RALA: variants seen among roughly 807,000 people sequenced by gnomAD.
RALA encodes the protein RAS like proto-oncogene A, also known as ras-related protein Ral-A.
Under a neutral mutation model 24.0 loss-of-function variants are expected in RALA, and 5 were observed. The observed-to-expected ratio is 0.21, with a 90% confidence interval of 0.11 to 0.44. The LOEUF is 0.44. RALA is among the 20% of genes least tolerant of loss of function. RALA has a pLI of 0.99. For synonymous variants in RALA, 77 were observed against 83.8 expected (o/e 0.92, Z 0.44); for missense variants, 95 against 241.2 (o/e 0.39, Z 4.01).
intron 1 of RALA, among the ~76,000 whole-genome samples, chr7:39,652,811 G>A (rs867172322): frequency 6.6e-6 from 1 of 151,964 alleles, no homozygotes; most frequent in South Asian, 2.1e-4. Flanking sequence ...TGTTGCCCAG[G>A]CTGGAGTGCA....
intron 4 of RALA, among the ~76,000 whole-genome samples, chr7:39,703,995 G>A (rs1447382941): frequency 7.9e-5 from 12 of 151,672 alleles, no homozygotes; most frequent in South Asian, 2.1e-4. Context: ...GCAAAACCCC[G>A]TCTCTACTAA....
chr7:39,632,289 TC>T (rs1456779180), intron 1 of RALA, among the ~76,000 whole-genome samples: 2 of 152,240 alleles, frequency 1.3e-5, no homozygotes, highest in African/African-American at 2.4e-5. Context: ...TAGTTTTTTT[TC>T]CTTCTTTTCC....
chr7:39,667,340 C>T (rs1263126321), intron 1 of RALA, among the ~76,000 whole-genome samples: 3 of 152,150 alleles, frequency 2.0e-5, no homozygotes, highest in Non-Finnish European at 4.4e-5. Flanking sequence ...TCCCCAACTC[C>T]CTGTGAAAAG....
chr7:39,702,866 T>TAGGA (rs1040169815), intron 4 of RALA: 2 of 152,148 alleles, frequency 1.3e-5, no homozygotes, highest in African/African-American at 2.4e-5. Flanking sequence ...ATGGGAGGGA[T>TAGGA]AGGTAGAGAT....
At chr7:39,699,706 C>T (rs1792988969) in intron 4 of RALA, among the ~76,000 whole-genome samples, 1 of 152,208 alleles carries the variant, frequency 6.6e-6, no homozygotes, top group African/African-American at 2.4e-5. Flanking sequence ...GTGTTTTAAA[C>T]ACACATACAT....
chr7:39,681,068 G>C (rs1216476800), intron 1 of RALA, among the ~76,000 whole-genome samples: 3 of 151,954 alleles, frequency 2.0e-5, no homozygotes, highest in African/African-American at 7.3e-5. Flanking sequence ...AATTCTTCTG[G>C]TTCACTCCAG....
At chr7:39,684,715 AAAAAAAAAAAAAAG>A (rs1792667391) in intron 1 of RALA, among the ~76,000 whole-genome samples, 1 of 150,240 alleles carries the variant, frequency 6.7e-6, no homozygotes, top group Non-Finnish European at 1.5e-5. Context: ...GATGAGCTAA[AAAAAAAAAAAAAAG>A]AAAAAAAAAA....
At chr7:39,645,667 T>C (rs1021564851) in intron 1 of RALA, among the ~76,000 whole-genome samples, 1 of 152,234 alleles carries the variant, frequency 6.6e-6, no homozygotes, top group Non-Finnish European at 1.5e-5. Flanking sequence ...ACACCTACTA[T>C]GTGCCAGGCA....
At chr7:39,666,675 TTTTC>T (rs1487207430) in intron 1 of RALA, among the ~76,000 whole-genome samples, 4 of 152,206 alleles carry the variant, frequency 2.6e-5, no homozygotes, top group African/African-American at 7.2e-5. Flanking sequence ...CTACTTTATA[TTTTC>T]TTTCTTTCTT....
intron 1 of RALA, among the ~76,000 whole-genome samples, chr7:39,674,222 G>C (rs13311977): frequency 6.6e-6 from 1 of 152,076 alleles, no homozygotes; most frequent in Admixed American, 6.6e-5. Context: ...TGGGATTACA[G>C]ATTAGAGCCG....
chr7:39,670,634 C>T (rs1486479475), intron 1 of RALA, among the ~76,000 whole-genome samples: 2 of 152,130 alleles, frequency 1.3e-5, no homozygotes, highest in Non-Finnish European at 2.9e-5. Context: ...TAATGCTTTT[C>T]TAAACTATAT....
intron 4 of RALA, among the ~76,000 whole-genome samples, chr7:39,697,971 G>GTGTGTGTGTGTGTA (rs147264246): frequency 5.4e-5 from 8 of 149,346 alleles, no homozygotes; most frequent in South Asian, 2.1e-4. Flanking sequence ...GTGTGTGTGT[G>GTGTGTGTGTGTGTA]TGTATGTGTG....
At position 39,706,114 on chromosome 7, in the gene RALA, T is replaced by C. The variant is rs199849868; in HGVS notation, c.499-9T>C. 399 of 1,594,092 alleles carry C rather than the reference T, an allele frequency of 2.5e-4. No individual in the cohort carries two copies. The highest frequency in any genetic ancestry group is 6.8e-4 in the Middle Eastern group (4 of 5,858). ...TTTGCTTTATTTATCCTATTTTTTT[T>C]CTTTCTAGGTATTTTTTGATTTAAT... On this transcript the variant is annotated splice_polypyrimidine_tract_variant and intron_variant, in intron 4 of 4. Transcript: ENST00000005257.
intron 1 of RALA, among the ~76,000 whole-genome samples, chr7:39,628,402 C>T (rs1475184545): frequency 6.6e-6 from 1 of 151,786 alleles, no homozygotes; most frequent in Non-Finnish European, 1.5e-5. Context: ...CACACACACA[C>T]ACACACACAC....
chr7:39,654,741 T>G (rs773843578), intron 1 of RALA, among the ~76,000 whole-genome samples: 3 of 151,966 alleles, frequency 2.0e-5, no homozygotes, highest in Non-Finnish European at 4.4e-5. Context: ...GAATCTAAAT[T>G]TTTGTTTGTT....
chr7:39,657,254 C>G (rs1290614907), intron 1 of RALA, among the ~76,000 whole-genome samples: 2 of 152,138 alleles, frequency 1.3e-5, no homozygotes, highest in Non-Finnish European at 2.9e-5. Flanking sequence ...GTATGAGCCA[C>G]CACGCCCAGC....
At chr7:39,629,538 C>G (rs188090851) in intron 1 of RALA, among the ~76,000 whole-genome samples, 44 of 152,292 alleles carry the variant, frequency 2.9e-4, no homozygotes, top group African/African-American at 8.2e-4. Flanking sequence ...CCTCAGCCTC[C>G]TGAGTAGCTG....
At chr7:39,632,355 A>G (rs1403904152) in intron 1 of RALA, among the ~76,000 whole-genome samples, 2 of 152,200 alleles carry the variant, frequency 1.3e-5, no homozygotes, top group Non-Finnish European at 2.9e-5. Context: ...TCTCCAGAAC[A>G]AGATTAAATA....
intron 1 of RALA, among the ~76,000 whole-genome samples, chr7:39,656,392 A>G (rs17507748): frequency 0.1 from 15,540 of 152,232 alleles, 1,053 homozygotes; most frequent in Non-Finnish European, 0.15. Flanking sequence ...CTTTCTTTCA[A>G]TCCTTTAGAG....
Sources: allele counts gnomAD v4.1 joint callset (sites outside exome capture counted in the v4.1 genomes callset), GRCh38; gene constraint gnomAD v4.1.1; transcripts MANE v1.5; gene names NCBI Gene and HGNC (gene_info 2026-07-23, HGNC 2026-07-21).